The following DSCAM variants were observed in gnomAD, a reference collection of about 807,000 sequenced individuals.
DSCAM encodes cell adhesion molecule DSCAM.
Under a neutral mutation model 217.7 loss-of-function variants are expected in DSCAM, and 47 were observed. That is an observed-to-expected ratio of 0.22 (90% confidence interval 0.17 to 0.28). The LOEUF (loss-of-function observed/expected upper bound fraction) is 0.28. DSCAM is among the 10% of genes least tolerant of loss of function. The pLI, the probability that DSCAM is intolerant of heterozygous loss-of-function variation, is 1.00. For missense variants in DSCAM, 2,080 were observed against 2,618.3 expected (o/e 0.79, Z 4.49); for synonymous variants, 1,056 against 1,015.3 (o/e 1.04, Z -0.76).
chr21:40,338,555 C>G (rs1471658461), intron 7 of DSCAM, among the ~76,000 whole-genome samples, 179 bp from the exon 8 acceptor site: 1 of 152,176 alleles, frequency 6.6e-6, no homozygotes, highest in East Asian at 1.9e-4. Context: ...CTTTCCTTTT[C>G]TTAAATTCAA....
intron 3 of DSCAM, among the ~76,000 whole-genome samples, chr21:40,619,842 A>AG (rs907402901): frequency 2.9e-5 from 4 of 138,136 alleles, no homozygotes; most frequent in Non-Finnish European, 6.6e-5. Flanking sequence ...AAGCATGTAA[A>AG]GAAAAAAAAA....
chr21:40,249,290 G>T (rs1326344720), intron 11 of DSCAM, among the ~76,000 whole-genome samples: 1 of 152,200 alleles, frequency 6.6e-6, no homozygotes, highest in Non-Finnish European at 1.5e-5. Flanking sequence ...CCAGGTAAGA[G>T]ATAATCTGAA....
At position 40,092,323 on chromosome 21, in the gene DSCAM, A is replaced by G. The variant is rs953981504; in HGVS notation, c.3850+1398T>C. On this transcript the variant is annotated intron_variant, in intron 21 of 32. Coordinates refer to ENST00000400454, the MANE Select transcript of DSCAM (RefSeq NM_001389.5). Reference sequence around the variant, plus strand: ...ACCCAAGAGAGCCCTGACCAAAAATACCTCTGTTGGACTATATTATTATGT... The same window carrying G: ...ACCCAAGAGAGCCCTGACCAAAAATGCCTCTGTTGGACTATATTATTATGT... 2.0e-5 allele frequency among the ~76,000 whole-genome samples: 3 copies of G among 152,238 alleles called. No homozygotes were observed. The South Asian group carries it at 6.2e-4, about 32-fold the overall frequency.
In DSCAM at chr21:40,025,554, T is replaced by C. The variant is rs1055209018; in HGVS notation, c.5687-12168A>G. On this transcript the variant is annotated intron_variant, in intron 32 of 32. Transcript: ENST00000400454. ...ATTGTTGCCACAATTTCAGATCCTG[T>C]TATTGGTCTATTCAGAGATTCAACT... Among the ~76,000 whole-genome samples the C allele has an allele frequency of 3.4e-3, 516 of 150,568 alleles. 20 individuals carry two copies. Among genetic ancestry groups the C allele is most frequent in the African/African-American group, 0.012 (494 of 40,464 alleles).
rs377226455 is a variant in DSCAM at position 40,267,214 on chromosome 21, G to C, written c.2356+8883C>G. ...TAAAAAATGAAAAAACAAGTAACAG[G>C]TCATCTGGACACCTCCTGAAGGACC... On this transcript the variant is annotated intron_variant, in intron 11 of 32. Transcript: ENST00000400454. Among the ~76,000 whole-genome samples the C allele has an allele frequency of 2.9e-4, 42 of 144,244 alleles. No homozygotes were observed. The South Asian group carries it at 6.1e-3, about 21-fold the overall frequency. 94.6% of individuals were successfully genotyped at this position (144,244 alleles called of 152,430 possible).
At chr21:40,503,998 T>C (rs886843591) in intron 3 of DSCAM, among the ~76,000 whole-genome samples, 2 of 152,170 alleles carry the variant, frequency 1.3e-5, no homozygotes, top group Non-Finnish European at 2.9e-5. Flanking sequence ...AAGATGCTAT[T>C]GGATATTTCA....
chr21:40,143,431 T>C (rs1186967473), intron 17 of DSCAM, among the ~76,000 whole-genome samples: 1 of 152,206 alleles, frequency 6.6e-6, no homozygotes, highest in Admixed American at 6.5e-5. Flanking sequence ...CTGCAAGTCA[T>C]TGAAGACTCC....
intron 3 of DSCAM, among the ~76,000 whole-genome samples, chr21:40,485,104 G>A (rs1454197533): frequency 6.6e-6 from 1 of 151,900 alleles, no homozygotes; most frequent in Non-Finnish European, 1.5e-5. Context: ...ATCAATTTCT[G>A]GCCTCACTGA....
intron 9 of DSCAM, among the ~76,000 whole-genome samples, chr21:40,297,182 G>A (rs1033414788): frequency 3.3e-5 from 5 of 152,114 alleles, no homozygotes; most frequent in Non-Finnish European, 4.4e-5. Flanking sequence ...CTGCTTATCT[G>A]GTGAATGTTG....
chr21:40,843,790 CTTTTTT>C (rs56383167), intron 1 of DSCAM, among the ~76,000 whole-genome samples: 1 of 118,986 alleles, frequency 8.4e-6, no homozygotes, highest in Non-Finnish European at 1.8e-5. Context: ...CTGACTTCTT[CTTTTTT>C]TTTTTTTTTT....
intron 10 of DSCAM, 45 bp downstream of exon 10, chr21:40,296,010 T>C (rs1473792349): frequency 1.3e-6 from 2 of 1,597,824 alleles, no homozygotes; most frequent in Non-Finnish European, 1.7e-6. Flanking sequence ...CTTTAGAACA[T>C]AGCAAATGTT....
intron 3 of DSCAM, among the ~76,000 whole-genome samples, chr21:40,474,554 G>A (rs999657693): frequency 4.6e-5 from 7 of 152,214 alleles, no homozygotes; most frequent in East Asian, 3.9e-4. Flanking sequence ...GGGAGCTGCC[G>A]CCCTCCCCTT....
intron 32 of DSCAM, among the ~76,000 whole-genome samples, chr21:40,026,144 A>G (rs1434914443): frequency 7.0e-6 from 1 of 141,930 alleles, no homozygotes; most frequent in East Asian, 2.0e-4. Context: ...GTAGTCATTC[A>G]GGAGCAGGTT....
intron 8 of DSCAM, among the ~76,000 whole-genome samples, chr21:40,336,677 G>C (rs1375993919): frequency 3.9e-5 from 6 of 152,218 alleles, no homozygotes; most frequent in Admixed American, 3.3e-4. Context: ...GAACCATTAA[G>C]ATACTGCCAT....
intron 6 of DSCAM, among the ~76,000 whole-genome samples, chr21:40,347,229 C>T (rs1020611970): frequency 8.2e-5 from 12 of 146,790 alleles, no homozygotes; most frequent in Admixed American, 2.1e-4. Flanking sequence ...ACCCGGGAGG[C>T]AGAGGTTGTG....
chr21:40,478,999 G>T (rs1403387851), intron 3 of DSCAM, among the ~76,000 whole-genome samples: 1 of 152,158 alleles, frequency 6.6e-6, no homozygotes, highest in African/African-American at 2.4e-5. Flanking sequence ...TGTATTTTCA[G>T]ACCATGGTTG....
chr21:40,107,315 T>C (rs145734860), intron 20 of DSCAM, among the ~76,000 whole-genome samples: 142 of 152,322 alleles, frequency 9.3e-4, no homozygotes, highest in Non-Finnish European at 1.8e-3. Context: ...ATTTTGAATA[T>C]GATTGTGCTG....
At position 40,011,365 on chromosome 21, in the gene DSCAM, A is replaced by G. The variant is rs1425216221; in HGVS notation, c.*1669T>C. 1 of 152,212 alleles carries G rather than the reference A, an allele frequency of 6.6e-6. No homozygotes were observed. Among genetic ancestry groups the G allele is most frequent in the East Asian group, 1.9e-4 (1 of 5,182 alleles). The allele number at this position is 152,212 out of a possible 1,614,324, so 9.4% of individuals were successfully genotyped here. A position where few individuals can be genotyped will look rare whatever the true frequency, so the allele number is the denominator to read the frequency against. On this transcript the variant is annotated 3_prime_UTR_variant, in exon 33 of 33. Coordinates refer to ENST00000400454, the MANE Select transcript of DSCAM (RefSeq NM_001389.5). ...AAGAAAGGATGGGAAAGAAGGAGGG[A>G]GGGAGGGAAGGAAAGACATTTCTGA...
intron 3 of DSCAM, among the ~76,000 whole-genome samples, chr21:40,487,714 T>A (rs1478959014): frequency 6.6e-6 from 1 of 151,960 alleles, no homozygotes; most frequent in Non-Finnish European, 1.5e-5. Flanking sequence ...GGAGAGGCAG[T>A]GAAGATGGGC....
Sources: gnomAD v4.1 joint callset for allele counts (sites outside exome capture counted in the v4.1 genomes callset) on GRCh38, gnomAD v4.1.1 for gene constraint, MANE v1.5 for transcripts, NCBI Gene and HGNC (gene_info 2026-07-23, HGNC 2026-07-21) for gene names.